ZBTB46: variants seen among roughly 807,000 people sequenced by gnomAD.
ZBTB46 encodes the protein zinc finger and BTB domain-containing protein 46.
Under a neutral mutation model 44.1 loss-of-function variants are expected in ZBTB46, and 8 were observed. That is an observed-to-expected ratio of 0.18 (90% confidence interval 0.11 to 0.33). ZBTB46 has a LOEUF of 0.33. Among genes scored for constraint, ZBTB46 ranks in the 10% least tolerant of loss-of-function variants. The pLI, the probability that ZBTB46 is intolerant of heterozygous loss-of-function variation, is 1.00. For missense variants in ZBTB46, 651 were observed against 847.7 expected (o/e 0.77, Z 2.88); for synonymous variants, 409 against 382.3 (o/e 1.07, Z -0.81).
At chr20:63,773,818 C>T (rs1031508445) in intron 3 of ZBTB46, among the ~76,000 whole-genome samples, 3 of 152,198 alleles carry the variant, frequency 2.0e-5, no homozygotes, top group Non-Finnish European at 4.4e-5. Flanking sequence ...TCCATCTGAC[C>T]GGCTGGCCGA....
At chr20:63,828,154 C>A (rs1277193636) in intron 1 of ZBTB46, among the ~76,000 whole-genome samples, 6 of 152,218 alleles carry the variant, frequency 3.9e-5, no homozygotes, top group Non-Finnish European at 5.9e-5. Context: ...ACCATTGGGG[C>A]CCTTTGTCAT....
intron 1 of ZBTB46, among the ~76,000 whole-genome samples, chr20:63,798,306 T>TA (rs1398668869): frequency 6.6e-6 from 1 of 152,098 alleles, no homozygotes; most frequent in African/African-American, 2.4e-5. Flanking sequence ...CAGATGGTTG[T>TA]AGATGTGTGG....
intron 1 of ZBTB46, among the ~76,000 whole-genome samples, chr20:63,809,570 A>G (rs942342203): frequency 6.6e-6 from 1 of 152,158 alleles, no homozygotes; most frequent in Non-Finnish European, 1.5e-5. Flanking sequence ...CTCCCTTACG[A>G]AGTTAGCCGT....
intron 3 of ZBTB46, among the ~76,000 whole-genome samples, chr20:63,770,156 C>A (rs776964366): frequency 5.3e-5 from 8 of 152,246 alleles, no homozygotes; most frequent in Admixed American, 4.6e-4. Context: ...CTCCTGTCCC[C>A]GGCCGACCGG....
At chr20:63,782,197 A>G (rs1255028176) in intron 2 of ZBTB46, among the ~76,000 whole-genome samples, 1 of 150,870 alleles carries the variant, frequency 6.6e-6, no homozygotes, top group African/African-American at 2.4e-5. Flanking sequence ...CCAGGCTGCA[A>G]CCCCCGAGCC....
chr20:63,755,870 ACT>A (rs370061574), intron 3 of ZBTB46, among the ~76,000 whole-genome samples: 25 of 152,256 alleles, frequency 1.6e-4, no homozygotes, highest in African/African-American at 6.0e-4. Flanking sequence ...GGAAACGGGC[ACT>A]CTCACGACCT....
chr20:63,761,598 A>G (rs972911098), intron 3 of ZBTB46, among the ~76,000 whole-genome samples: 3 of 152,010 alleles, frequency 2.0e-5, no homozygotes, highest in Admixed American at 2.0e-4. Context: ...CCTGGCCAAT[A>G]TAGTGGAACT....
chr20:63,828,063 G>A (rs1308436938), intron 1 of ZBTB46, among the ~76,000 whole-genome samples: 1 of 152,240 alleles, frequency 6.6e-6, no homozygotes, highest in East Asian at 1.9e-4. Flanking sequence ...TGGGATTACA[G>A]GCGTGAGCCA....
chr20:63,800,227 T>C (rs1041322657), intron 1 of ZBTB46, among the ~76,000 whole-genome samples: 5 of 152,152 alleles, frequency 3.3e-5, no homozygotes, highest in African/African-American at 1.2e-4. Flanking sequence ...ACAGTTACGC[T>C]GAGTAAGAGA....
chr20:63,755,755 T>A (rs1293417295), intron 3 of ZBTB46, among the ~76,000 whole-genome samples: 2 of 152,232 alleles, frequency 1.3e-5, no homozygotes, highest in African/African-American at 4.8e-5. Flanking sequence ...CTATATATCT[T>A]AGAAAAAACT....
At chr20:63,826,002 CG>C (rs1008868766) in intron 1 of ZBTB46, among the ~76,000 whole-genome samples, 89 of 152,344 alleles carry the variant, frequency 5.8e-4, no homozygotes, top group African/African-American at 1.7e-3. Flanking sequence ...CTGTCAACAC[CG>C]GGAGTTCCTA....
In ZBTB46 at chr20:63,789,983, T is replaced by C. The variant is rs2092546963; in HGVS notation, c.775A>G (p.Ser259Gly). The change falls in exon 2 of 5, where the codon AGT becomes GGT. Residue 259 changes from serine to glycine, a missense_variant. Coordinates refer to ENST00000245663, the MANE Select transcript of ZBTB46 (RefSeq NM_001369741.1). ...GAVQNSFSEQ[S>G]AGDAWQPTGR... ...GTGGGCTGCCAGGCATCACCAGCAC[T>C]CTGCTCTGAGAAAGAGTTCTGTACT... is the stretch of plus-strand genomic sequence containing the variant. The C allele has an allele frequency of 6.2e-7, 1 of 1,614,112 alleles. No homozygotes were observed. Among genetic ancestry groups the C allele is most frequent in the Non-Finnish European group, 8.5e-7 (1 of 1,180,026 alleles).
intron 1 of ZBTB46, among the ~76,000 whole-genome samples, chr20:63,812,402 G>C (rs1294899209): frequency 6.6e-6 from 1 of 152,150 alleles, no homozygotes; most frequent in Non-Finnish European, 1.5e-5. Flanking sequence ...CCAGCACTTT[G>C]GGAGGCGGAG....
chr20:63,751,890 C>G (rs1229393725), intron 4 of ZBTB46, among the ~76,000 whole-genome samples: 1 of 151,882 alleles, frequency 6.6e-6, no homozygotes. Context: ...TCGGCTCCTG[C>G]AGGTCCGCTC....
chr20:63,748,260 A>G (rs775909996), intron 4 of ZBTB46, among the ~76,000 whole-genome samples: 3 of 152,140 alleles, frequency 2.0e-5, no homozygotes, highest in Non-Finnish European at 4.4e-5. Flanking sequence ...CGGCAGGGAG[A>G]TGGGGCAGCA....
chr20:63,752,541 G>T lies in ZBTB46; in HGVS notation c.1398+145C>A. 1 of 1,010,442 alleles carries T rather than the reference G, an allele frequency of 9.9e-7. No individual in the cohort carries two copies. The highest frequency in any genetic ancestry group is 1.3e-6 in the Non-Finnish European group (1 of 756,360). 62.6% of individuals were successfully genotyped at this position (1,010,442 alleles called of 1,614,324 possible). On this transcript the variant is annotated intron_variant, in intron 4 of 4. Coordinates refer to ENST00000245663, the MANE Select transcript of ZBTB46 (RefSeq NM_001369741.1). The surrounding 1 kb of genome is among the most constrained non-coding windows in gnomAD (Gnocchi z 5.6). ...GGCAGAGCAGACAGGGGCCCGGGGC[G>T]GATCTCCCTGCCCTGCTGTCGTCCC...
At chr20:63,774,146 G>T (rs907945360) in intron 3 of ZBTB46, among the ~76,000 whole-genome samples, 38 of 135,732 alleles carry the variant, frequency 2.8e-4, no homozygotes, top group South Asian at 9.1e-4. Context: ...TCCCGTCTGT[G>T]CAGTGCTCAG....
At chr20:63,748,384 G>A (rs1373012930) in intron 4 of ZBTB46, among the ~76,000 whole-genome samples, 5 of 152,210 alleles carry the variant, frequency 3.3e-5, no homozygotes, top group Non-Finnish European at 5.9e-5. Flanking sequence ...TGTGGCCCCA[G>A]GTGGGCTTCC....
chr20:63,818,501 G>A (rs2092772879), intron 1 of ZBTB46, among the ~76,000 whole-genome samples: 1 of 152,202 alleles, frequency 6.6e-6, no homozygotes, highest in Non-Finnish European at 1.5e-5. Flanking sequence ...CACAGCTCCA[G>A]CCAACACCTG....
Sources: allele counts gnomAD v4.1 joint callset (sites outside exome capture counted in the v4.1 genomes callset), GRCh38; gene constraint gnomAD v4.1.1; non-coding constraint Gnocchi (gnomAD v3.1); transcripts MANE v1.5; gene names NCBI Gene and HGNC (gene_info 2026-07-23, HGNC 2026-07-21).